RASGRF2: variants seen among roughly 807,000 people sequenced by gnomAD.
RASGRF2 encodes ras-specific guanine nucleotide-releasing factor 2.
RASGRF2 carries 76 observed loss-of-function variants against 151.0 expected under a neutral mutation model. The ratio of observed to expected loss-of-function variants is 0.50; its 90% CI spans 0.42 to 0.61. The LOEUF (loss-of-function observed/expected upper bound fraction) is 0.61, where lower values mean the gene tolerates loss of function less well. Ranked by LOEUF, RASGRF2 falls within the 20% of genes least tolerant of loss-of-function variation. The pLI is 0.00. For missense variants in RASGRF2, 1,148 were observed against 1,564.6 expected, an observed-to-expected ratio of 0.73 and a Z score of 4.49; for synonymous variants, 504 against 566.5, an observed-to-expected ratio of 0.89 and a Z score of 1.57.
At chr5:81,055,751 G>C (rs557315920) in intron 2 of RASGRF2, among the ~76,000 whole-genome samples, 2 of 152,102 alleles carry the variant, frequency 1.3e-5, no homozygotes, top group African/African-American at 2.4e-5. Context: ...CTGTGAATCT[G>C]TCTGGTCCTG....
Position 80,998,742 on chromosome 5 carries a change from A to C in RASGRF2, c.288+37716A>C, listed in dbSNP as rs185692903. Reference sequence around the variant, plus strand: ...TTTTTCACCCTGCTCTGCCTGTATAAGTTGCATCAGCAGACAGCCAGGCTT... The same window carrying C: ...TTTTTCACCCTGCTCTGCCTGTATACGTTGCATCAGCAGACAGCCAGGCTT... On this transcript the variant is annotated intron_variant, in intron 1 of 26. Coordinates refer to ENST00000265080, the MANE Select transcript of RASGRF2 (RefSeq NM_006909.3). Among the ~76,000 whole-genome samples, 623 of 152,240 alleles carry C rather than the reference A, an allele frequency of 4.1e-3. 2 individuals carry two copies. The highest frequency in any genetic ancestry group is 7.1e-3 in the Non-Finnish European group (482 of 68,022).
intron 14 of RASGRF2, 127 bp from the exon 15 acceptor site, chr5:81,113,411 G>C (rs1260944819): frequency 3.5e-6 from 4 of 1,137,360 alleles, no homozygotes; most frequent in Admixed American, 4.9e-5. Flanking sequence ...TTAGATTAAC[G>C]GAAGTCCAGC....
In RASGRF2 at chr5:81,019,879, T is replaced by C. The variant is rs560656895; in HGVS notation, c.289-22998T>C. ...ATAAATGATTCAAATGATACAGAAA[T>C]GTGGAAAGGGGAAGTGGCCTGGCAA... On this transcript the variant is annotated intron_variant, in intron 1 of 26. Transcript: ENST00000265080. Among the ~76,000 whole-genome samples, 4 of 152,240 alleles carry C rather than the reference T, an allele frequency of 2.6e-5. No individual in the cohort carries two copies. In the East Asian group the frequency reaches 7.7e-4, roughly 29 times the overall value.
Position 80,995,684 on chromosome 5 carries a change from T to TTCCC in RASGRF2, c.288+34658_288+34659insTCCC, listed in dbSNP as rs759339620. Among the ~76,000 whole-genome samples, 19 of 69,458 alleles carry TTCCC rather than the reference T, an allele frequency of 2.7e-4. 1 individual carries two copies. The highest frequency in any genetic ancestry group is 9.6e-4 in the African/African-American group (18 of 18,786). The allele number at this position is 69,458 out of a possible 152,430, so 45.6% of individuals were successfully genotyped here. On this transcript the variant is annotated intron_variant, in intron 1 of 26. Coordinates refer to ENST00000265080, the MANE Select transcript of RASGRF2 (RefSeq NM_006909.3). Reference sequence around the variant, plus strand: ...CAAATCATTGTTTCTTTCCTTTCCTTCCCCCCCCCTTTTTTTTTTTTTTTT... The same window carrying TTCCC: ...CAAATCATTGTTTCTTTCCTTTCCTTTCCCCCCCCCCCCTTTTTTTTTTTTTTTT...
At chr5:81,107,890 T>C (rs1006930985) in intron 12 of RASGRF2, among the ~76,000 whole-genome samples, 2 of 152,268 alleles carry the variant, frequency 1.3e-5, no homozygotes, top group African/African-American at 4.8e-5. Flanking sequence ...ACAAGTGGCA[T>C]CCTTTATGCT....
chr5:81,103,146 A>G (rs1223297591), intron 12 of RASGRF2, among the ~76,000 whole-genome samples: 1 of 152,182 alleles, frequency 6.6e-6, no homozygotes, highest in Non-Finnish European at 1.5e-5. Context: ...ATCTAAAACT[A>G]GAAACTACAG....
chr5:81,034,303 G>A (rs1750385113), intron 1 of RASGRF2, among the ~76,000 whole-genome samples: 3 of 152,174 alleles, frequency 2.0e-5, no homozygotes, highest in East Asian at 1.9e-4. Flanking sequence ...GAAACAACAG[G>A]TGCTGGAGAG....
chr5:81,041,120 G>T lies in RASGRF2; in HGVS notation c.289-1757G>T, dbSNP rs577221081. Among the ~76,000 whole-genome samples, 408 of 152,134 alleles carry T rather than the reference G, an allele frequency of 2.7e-3. 1 individual carries two copies. The highest frequency in any genetic ancestry group is 4.7e-3 in the Non-Finnish European group (318 of 67,986). On this transcript the variant is annotated intron_variant, in intron 1 of 26. Coordinates refer to ENST00000265080, the MANE Select transcript of RASGRF2 (RefSeq NM_006909.3). ...AGTTCGAGACCAGCCTGACCAACATGGTGAAACTTCGTCTCTACCAAAAAT... is the reference window on the plus strand; with the variant it reads ...AGTTCGAGACCAGCCTGACCAACATTGTGAAACTTCGTCTCTACCAAAAAT...
chr5:80,987,036 C>A (rs1195689615), intron 1 of RASGRF2, among the ~76,000 whole-genome samples: 1 of 152,188 alleles, frequency 6.6e-6, no homozygotes, highest in Non-Finnish European at 1.5e-5. Context: ...GTTTTCTTTG[C>A]TTGAAATGCT....
chr5:81,045,247 A>G (rs938665771), intron 2 of RASGRF2, among the ~76,000 whole-genome samples: 2 of 152,170 alleles, frequency 1.3e-5, no homozygotes, highest in African/African-American at 4.8e-5. Context: ...TAAAATACAT[A>G]ATTTAAAACA....
chr5:80,967,522 C>T (rs748478924), intron 1 of RASGRF2, among the ~76,000 whole-genome samples: 1 of 151,992 alleles, frequency 6.6e-6, no homozygotes, highest in African/African-American at 2.4e-5. Context: ...ATTGTGAAGA[C>T]CTGTGGTGAT....
chr5:81,056,402 G>T (rs1751213022), intron 2 of RASGRF2, among the ~76,000 whole-genome samples: 1 of 152,198 alleles, frequency 6.6e-6, no homozygotes, highest in Non-Finnish European at 1.5e-5. Flanking sequence ...AGTCATTCAG[G>T]AGCAGGTTGT....
chr5:81,158,099 G>A (rs1034657027), intron 17 of RASGRF2, among the ~76,000 whole-genome samples: 31 of 152,150 alleles, frequency 2.0e-4, no homozygotes, highest in African/African-American at 6.3e-4. Flanking sequence ...CTATGTTGGA[G>A]GACTTATACT....
chr5:81,080,841 C>CGCTAGGTATCAG, intron 7 of RASGRF2, 52 bp downstream of exon 7: 1 of 1,538,598 alleles, frequency 6.5e-7, no homozygotes, highest in Non-Finnish European at 8.9e-7. Flanking sequence ...CTCAATGTCA[C>CGCTAGGTATCAG]TGATACCTAG....
At chr5:81,056,558 A>G (rs1353746940) in intron 2 of RASGRF2, among the ~76,000 whole-genome samples, 1 of 152,192 alleles carries the variant, frequency 6.6e-6, no homozygotes, top group South Asian at 2.1e-4. Context: ...CTATGTGGTC[A>G]GTTTTGGAAT....
rs371085128 is a variant in RASGRF2 at position 81,207,347 on chromosome 5, C to T, written c.3069C>T (p.Tyr1023=). 92 of 1,612,254 alleles carry T rather than the reference C, an allele frequency of 5.7e-5. No homozygotes were observed. The highest frequency in any genetic ancestry group is 1.6e-4 in the Middle Eastern group (1 of 6,078). Residue 1023 remains tyrosine, a splice_region_variant and synonymous_variant, in exon 21 of 27, where the codon TAC becomes TAT. Coordinates refer to ENST00000265080, the MANE Select transcript of RASGRF2 (RefSeq NM_006909.3). ...LDHVIFRSIP[Y]EEFLGQGWMK... ...ATGTCATTTTCAGAAGCATTCCCTA[C>T]GAGTGAGTGCCACCCCCCACAGCAG...
chr5:81,026,222 T>C (rs1750025425), intron 1 of RASGRF2, among the ~76,000 whole-genome samples: 1 of 151,428 alleles, frequency 6.6e-6, no homozygotes, highest in Non-Finnish European at 1.5e-5. Context: ...CCTATCTTCC[T>C]TTTTTTCTAT....
At chr5:81,012,845 A>C (rs1021348009) in intron 1 of RASGRF2, among the ~76,000 whole-genome samples, 4 of 152,090 alleles carry the variant, frequency 2.6e-5, no homozygotes, top group African/African-American at 9.7e-5. Flanking sequence ...GCCTTGAAAG[A>C]CTGTGTGTGA....
Position 81,006,288 on chromosome 5 carries a change from A to G in RASGRF2, c.289-36589A>G, listed in dbSNP as rs60071684. 9.2e-3 allele frequency among the ~76,000 whole-genome samples: 1,402 copies of G among 152,182 alleles called. 21 individuals are homozygous for G. Among genetic ancestry groups the G allele is most frequent in the African/African-American group, 0.029 (1,185 of 41,510 alleles). Reference sequence around the variant, plus strand: ...AGTCATGCTCAATGCACAGTTTTCTATGGGGATCCTGTTTTGATTGCCCTT... The same window carrying G: ...AGTCATGCTCAATGCACAGTTTTCTGTGGGGATCCTGTTTTGATTGCCCTT... On this transcript the variant is annotated intron_variant, in intron 1 of 26. Transcript: ENST00000265080.
Sources: gnomAD v4.1 joint callset for allele counts (sites outside exome capture counted in the v4.1 genomes callset) on GRCh38, gnomAD v4.1.1 for gene constraint, MANE v1.5 for transcripts, NCBI Gene and HGNC (gene_info 2026-07-23, HGNC 2026-07-21) for gene names.